USP32: variants seen among roughly 807,000 people sequenced by gnomAD.
The protein encoded by USP32 is ubiquitin carboxyl-terminal hydrolase 32.
In USP32, 59 loss-of-function variants were observed where a neutral mutation model predicts 204.8. The ratio of observed to expected loss-of-function variants is 0.29; its 90% CI spans 0.23 to 0.36. The LOEUF is 0.36. Ranked by LOEUF, USP32 falls within the 10% of genes least tolerant of loss-of-function variation. USP32 has a pLI of 1.00. For missense variants in USP32, 1,160 were observed against 1,946.4 expected, an observed-to-expected ratio of 0.60 and a Z score of 7.60; for synonymous variants, 517 against 678.4, an observed-to-expected ratio of 0.76 and a Z score of 3.70.
intron 1 of USP32, among the ~76,000 whole-genome samples, chr17:60,389,870 A>G (rs983228367): frequency 5.3e-5 from 8 of 151,826 alleles, no homozygotes; most frequent in African/African-American, 1.9e-4. Context: ...CAAAAAAATT[A>G]GCCGGGCGTG....
chr17:60,390,353 T>C (rs945960392), intron 1 of USP32, among the ~76,000 whole-genome samples: 14 of 152,222 alleles, frequency 9.2e-5, no homozygotes, highest in Admixed American at 9.2e-4. Context: ...TAATGTCCTC[T>C]TTCATGCCAT....
At chr17:60,355,869 A>G (rs1181657648) in intron 1 of USP32, among the ~76,000 whole-genome samples, 1 of 141,624 alleles carries the variant, frequency 7.1e-6, no homozygotes, top group African/African-American at 2.9e-5. Flanking sequence ...AAAAAAAAAA[A>G]GAATGGCTGA....
intron 2 of USP32, 43 bp downstream of exon 2, chr17:60,345,438 G>A: frequency 6.2e-7 from 1 of 1,605,948 alleles, no homozygotes; most frequent in Non-Finnish European, 8.5e-7. Flanking sequence ...GCTGGTGGAG[G>A]TGGATAACTA....
In USP32 at chr17:60,246,711, CTT is replaced by C. The variant is rs144851274; in HGVS notation, c.1136+5668_1136+5669del. Among the ~76,000 whole-genome samples the C allele has an allele frequency of 8.3e-4, 127 of 152,164 alleles. 1 individual carries two copies. In the East Asian group the frequency reaches 0.023, roughly 27 times the overall value. ...CACATCCTCATCAGAATCAGTTATT[CTT>C]TGTCTTTTTTATAATAGCCATTTTA... is the stretch of plus-strand genomic sequence containing the variant. On this transcript the variant is annotated intron_variant, in intron 11 of 33. Coordinates refer to ENST00000300896, the MANE Select transcript of USP32 (RefSeq NM_032582.4).
chr17:60,380,005 A>C (rs1040241264), intron 1 of USP32, among the ~76,000 whole-genome samples: 1 of 152,194 alleles, frequency 6.6e-6, no homozygotes, highest in Non-Finnish European at 1.5e-5. Context: ...ATTTATGTAC[A>C]TATATATGTA....
chr17:60,387,094 AT>A (rs1336856989), intron 1 of USP32, among the ~76,000 whole-genome samples: 1 of 152,210 alleles, frequency 6.6e-6, no homozygotes, highest in African/African-American at 2.4e-5. Context: ...AATAAGGGAG[AT>A]AAATACGCAT....
intron 1 of USP32, among the ~76,000 whole-genome samples, chr17:60,389,826 C>A (rs1331773046): frequency 1.3e-5 from 2 of 151,854 alleles, no homozygotes; most frequent in African/African-American, 2.4e-5. Context: ...ACCATCCCGG[C>A]TAACACGGTG....
At chr17:60,391,723 G>C (rs367765702) in intron 1 of USP32, among the ~76,000 whole-genome samples, 159 bp downstream of exon 1, 1 of 151,904 alleles carries the variant, frequency 6.6e-6, no homozygotes, top group South Asian at 2.1e-4. Context: ...CTTCCCACCC[G>C]ACCTCTCTCC....
At chr17:60,243,660 A>G (rs577378627) in intron 11 of USP32, among the ~76,000 whole-genome samples, 31 of 152,344 alleles carry the variant, frequency 2.0e-4, no homozygotes, top group Non-Finnish European at 3.8e-4. Flanking sequence ...TTAAAACGGT[A>G]AAAACATTTT....
intron 20 of USP32, 72 bp downstream of exon 20, chr17:60,211,304 G>C (rs2084961173): frequency 6.5e-7 from 1 of 1,546,174 alleles, no homozygotes; most frequent in East Asian, 2.3e-5. Context: ...GGTGAAAAAA[G>C]AGGAAATTTA....
intron 1 of USP32, among the ~76,000 whole-genome samples, chr17:60,405,889 T>C (rs1598320442): frequency 1.3e-5 from 2 of 152,242 alleles, no homozygotes; most frequent in Middle Eastern, 6.8e-3. Context: ...GTGCAGAAGC[T>C]CACTCCTGTA....
chr17:60,281,729 G>T (rs986394591), intron 5 of USP32, among the ~76,000 whole-genome samples: 2 of 152,164 alleles, frequency 1.3e-5, no homozygotes, highest in African/African-American at 4.8e-5. Flanking sequence ...AGTGGCAGGG[G>T]TAGTCTGTGT....
At chr17:60,417,738 G>C (rs938784308) in intron 1 of USP32, among the ~76,000 whole-genome samples, 2 of 151,804 alleles carry the variant, frequency 1.3e-5, no homozygotes, top group Non-Finnish European at 2.9e-5. Flanking sequence ...TTACAGGCTT[G>C]AGCCATTGTG....
At chr17:60,364,238 T>A (rs1429916360) in intron 1 of USP32, among the ~76,000 whole-genome samples, 1 of 152,196 alleles carries the variant, frequency 6.6e-6, no homozygotes. Flanking sequence ...AGAGCCCTCA[T>A]GAAGTAATCA....
intron 3 of USP32, among the ~76,000 whole-genome samples, chr17:60,298,978 A>G (rs1422799244): frequency 6.6e-6 from 1 of 152,146 alleles, no homozygotes; most frequent in Non-Finnish European, 1.5e-5. Context: ...AATAAAGAAA[A>G]TAAATTAGCT....
intron 1 of USP32, among the ~76,000 whole-genome samples, chr17:60,348,056 A>G (rs2088832800): frequency 6.6e-6 from 1 of 151,806 alleles, no homozygotes; most frequent in African/African-American, 2.4e-5. Flanking sequence ...CGGGAGGCGG[A>G]GCTCGCAGTG....
At chr17:60,389,044 G>T (rs2089782644) in intron 1 of USP32, among the ~76,000 whole-genome samples, 1 of 152,120 alleles carries the variant, frequency 6.6e-6, no homozygotes, top group Non-Finnish European at 1.5e-5. Context: ...TTTAAGTAAA[G>T]CCAAGGAGGC....
At chr17:60,259,902 T>C (rs1033211685) in intron 9 of USP32, among the ~76,000 whole-genome samples, 6 of 152,214 alleles carry the variant, frequency 3.9e-5, no homozygotes, top group African/African-American at 1.4e-4. Flanking sequence ...ATTTAGAAGT[T>C]TGGTGATATT....
chr17:60,390,413 C>T (rs1437605169), intron 1 of USP32, among the ~76,000 whole-genome samples: 1 of 152,130 alleles, frequency 6.6e-6, no homozygotes, highest in African/African-American at 2.4e-5. Flanking sequence ...AACAGCATCC[C>T]GGAAATGACT....
Sources: gnomAD v4.1 joint callset for allele counts (sites outside exome capture counted in the v4.1 genomes callset) on GRCh38, gnomAD v4.1.1 for gene constraint, MANE v1.5 for transcripts, NCBI Gene and HGNC (gene_info 2026-07-23, HGNC 2026-07-21) for gene names.